Variants in LRP1B observed in about 807,000 individuals in gnomAD.
The protein encoded by LRP1B is LDL receptor related protein 1B.
In LRP1B, 217 loss-of-function variants were observed where a neutral mutation model predicts 556.6. The ratio of observed to expected loss-of-function variants is 0.39; its 90% CI spans 0.35 to 0.44. The LOEUF (loss-of-function observed/expected upper bound fraction) is 0.44, where lower values mean the gene tolerates loss of function less well. LRP1B is among the 20% of genes least tolerant of loss of function. The pLI, the probability that LRP1B is intolerant of heterozygous loss-of-function variation, is 1.00. For synonymous variants in LRP1B, 2,047 were observed against 1,865.8 expected (o/e 1.10, Z -2.50); for missense variants, 5,053 against 5,620.8 (o/e 0.90, Z 3.23).
intron 32 of LRP1B, among the ~76,000 whole-genome samples, chr2:140,789,947 T>C (rs1167853408): frequency 6.6e-6 from 1 of 152,026 alleles, no homozygotes; most frequent in African/African-American, 2.4e-5. Flanking sequence ...TTTTATTTGC[T>C]ATTTCATCTG....
At position 140,696,476 on chromosome 2, in the gene LRP1B, T is replaced by A. The variant is rs371404506; in HGVS notation, c.6799+3774A>T. 6.6e-5 allele frequency among the ~76,000 whole-genome samples: 10 copies of A among 152,332 alleles called. No individual in the cohort carries two copies. The East Asian group carries it at 1.3e-3, about 21-fold the overall frequency. On this transcript the variant is annotated intron_variant, in intron 41 of 90. Coordinates refer to ENST00000389484, the MANE Select transcript of LRP1B (RefSeq NM_018557.3). Reference sequence around the variant, plus strand: ...CACTACTTTATATCTATAATTATTGTAATTATTTCTGATTGTCTAACTACT... The same window carrying A: ...CACTACTTTATATCTATAATTATTGAAATTATTTCTGATTGTCTAACTACT...
At chr2:140,623,309 A>T (rs1683522945) in intron 41 of LRP1B, among the ~76,000 whole-genome samples, 1 of 152,192 alleles carries the variant, frequency 6.6e-6, no homozygotes, top group South Asian at 2.1e-4. Flanking sequence ...TGAATAAAAT[A>T]CATCTTTAAG....
intron 66 of LRP1B, among the ~76,000 whole-genome samples, chr2:140,434,230 C>T (rs2105288460): frequency 6.6e-6 from 1 of 152,064 alleles, no homozygotes; most frequent in South Asian, 2.1e-4. Context: ...CCACCATGCC[C>T]AGCTAATTTT....
At chr2:141,856,805 C>A (rs764167591) in intron 1 of LRP1B, among the ~76,000 whole-genome samples, 1 of 152,046 alleles carries the variant, frequency 6.6e-6, no homozygotes, top group African/African-American at 2.4e-5. Context: ...TCTCGCTCCC[C>A]GTTTCAACGA....
chr2:140,442,710 A>T, intron 65 of LRP1B, 87 bp from the exon 66 acceptor site: 1 of 1,327,584 alleles, frequency 7.5e-7, no homozygotes. Context: ...TGTTTAAGAC[A>T]GTTTATCGAA....
intron 35 of LRP1B, among the ~76,000 whole-genome samples, chr2:140,730,953 G>A (rs1424336870): frequency 2.0e-5 from 3 of 152,104 alleles, no homozygotes; most frequent in South Asian, 2.1e-4. Flanking sequence ...TGTCTCACAC[G>A]CTTTCCTGCC....
At chr2:141,477,596 T>C (rs1682760003) in intron 3 of LRP1B, among the ~76,000 whole-genome samples, 1 of 152,210 alleles carries the variant, frequency 6.6e-6, no homozygotes, top group South Asian at 2.1e-4. Context: ...TGCCCAGTGA[T>C]TTGGTTTTTG....
intron 1 of LRP1B, among the ~76,000 whole-genome samples, chr2:141,967,014 C>T (rs1319283604): frequency 6.6e-6 from 1 of 151,880 alleles, no homozygotes; most frequent in Non-Finnish European, 1.5e-5. Flanking sequence ...CTCTATTACA[C>T]TGGTCTTTTC....
intron 2 of LRP1B, among the ~76,000 whole-genome samples, chr2:141,497,032 C>T (rs1396362440): frequency 1.3e-5 from 2 of 151,988 alleles, no homozygotes; most frequent in African/African-American, 2.4e-5. Flanking sequence ...GGATCAGCAG[C>T]CTCAGTAGCT....
rs757262428 is a variant in LRP1B at position 140,315,087 on chromosome 2, T to C, written c.12653A>G (p.Lys4218Arg). ...TCTTCCTCCATTTTCACAAGTTAAC[T>C]TACATGAATCATCTGTTTATGAGAA... The part of the protein sequence containing the change: ...NDDSLLDDSC[K>R]LTCENGGRCI... Residue 4218 changes from lysine (K) to arginine (R), a missense_variant, in exon 83 of 91, where the codon AAG becomes AGG. Coordinates refer to ENST00000389484, the MANE Select transcript of LRP1B (RefSeq NM_018557.3). The C allele has an allele frequency of 6.2e-7, 1 of 1,604,316 alleles. No homozygotes were observed. Among genetic ancestry groups the C allele is most frequent in the Non-Finnish European group, 8.5e-7 (1 of 1,174,484 alleles).
intron 82 of LRP1B, among the ~76,000 whole-genome samples, chr2:140,317,031 C>A (rs1684555467): frequency 6.6e-6 from 1 of 152,080 alleles, no homozygotes; most frequent in Admixed American, 6.6e-5. Flanking sequence ...GGAATACCAT[C>A]TAGGCAGACC....
At chr2:141,746,134 C>T (rs751447050) in intron 2 of LRP1B, among the ~76,000 whole-genome samples, 10 of 152,032 alleles carry the variant, frequency 6.6e-5, no homozygotes, top group Non-Finnish European at 1.2e-4. Flanking sequence ...ACAAGCACTC[C>T]CTTAGCCACC....
chr2:140,259,314 G>A (rs1012213816), intron 86 of LRP1B, among the ~76,000 whole-genome samples: 1 of 152,044 alleles, frequency 6.6e-6, no homozygotes, highest in Non-Finnish European at 1.5e-5. Flanking sequence ...AAAGAGAAGA[G>A]AAAATGAAAT....
chr2:141,478,291 T>G (rs968449144), intron 3 of LRP1B, among the ~76,000 whole-genome samples: 7 of 152,180 alleles, frequency 4.6e-5, no homozygotes, highest in Admixed American at 2.0e-4. Context: ...GATATTCAAA[T>G]GTGTGTAATC....
At chr2:140,323,456 A>G (rs597222) in intron 81 of LRP1B, among the ~76,000 whole-genome samples, 73,380 of 151,634 alleles carry the variant, frequency 0.48, 18,224 homozygotes, top group Non-Finnish European at 0.53. Flanking sequence ...TTCCTTCCTT[A>G]GATAGTTCGT....
chr2:140,278,036 A>C (rs969564180), intron 84 of LRP1B, among the ~76,000 whole-genome samples: 92 of 150,446 alleles, frequency 6.1e-4, no homozygotes, highest in African/African-American at 2.2e-3. Context: ...CACATATACA[A>C]ACACACACAC....
chr2:140,450,312 G>A (rs1686832288), intron 63 of LRP1B, among the ~76,000 whole-genome samples: 1 of 151,994 alleles, frequency 6.6e-6, no homozygotes, highest in Non-Finnish European at 1.5e-5. Flanking sequence ...TATTCCACAA[G>A]TAATCAAATT....
chr2:140,601,631 A>G lies in LRP1B; in HGVS notation c.6808T>C (p.Ser2270Pro). 6.3e-7 allele frequency: 1 copy of G among 1,582,220 alleles called. No individual in the cohort carries two copies. The highest frequency in any genetic ancestry group is 8.6e-7 in the Non-Finnish European group (1 of 1,161,278). ...DRQVIVENVG[S>P]VEGLAYHRAW... ...CTGTGATAGGCAAGTCCTTCCACAG[A>G]ACCCACATCTAGTGGGGGAAGAAAA... The change falls in exon 42 of 91, where the codon TCT (serine) becomes CCT (proline). Residue 2270 changes from serine to proline, a missense_variant. Ser to Pro is a moderately conservative substitution (Grantham distance 74). Transcript: ENST00000389484.
At chr2:140,480,179 C>T (rs1688173491) in intron 59 of LRP1B, among the ~76,000 whole-genome samples, 1 of 152,126 alleles carries the variant, frequency 6.6e-6, no homozygotes, top group African/African-American at 2.4e-5. Flanking sequence ...TATGTGGTGA[C>T]CAGTTAGGCA....
Sources: allele counts gnomAD v4.1 joint callset (sites outside exome capture counted in the v4.1 genomes callset), GRCh38; gene constraint gnomAD v4.1.1; transcripts MANE v1.5; gene names NCBI Gene and HGNC (gene_info 2026-07-23, HGNC 2026-07-21).